The following CARF variants were observed in gnomAD, a reference collection of about 807,000 sequenced individuals.
CARF encodes the protein calcium responsive transcription factor.
A neutral mutation model predicts 82.0 loss-of-function variants in CARF; 57 were observed. The ratio of observed to expected loss-of-function variants is 0.70; its 90% CI spans 0.56 to 0.87. The LOEUF is 0.87. Ranked by LOEUF, CARF falls within the 40% of genes least tolerant of loss-of-function variation. The probability of loss-of-function intolerance (pLI) is 0.00; values close to 1 mark genes in which losing one functional copy is unlikely to be tolerated. For synonymous variants in CARF, 268 were observed against 290.1 expected, an observed-to-expected ratio of 0.92 and a Z score of 0.77; for missense variants, 771 against 855.8, an observed-to-expected ratio of 0.90 and a Z score of 1.24.
chr2:202,951,665 G>C (rs2058758574), intron 5 of CARF, among the ~76,000 whole-genome samples: 1 of 152,014 alleles, frequency 6.6e-6, no homozygotes. Context: ...AAATTTGATA[G>C]AGTAGGTTTA....
At chr2:202,917,227 A>AAAC (rs1406249040) in intron 1 of CARF, among the ~76,000 whole-genome samples, 1 of 150,116 alleles carries the variant, frequency 6.7e-6, no homozygotes, top group Admixed American at 6.6e-5. Flanking sequence ...AAAAAAAAAA[A>AAAC]AAAAAAAAAG....
At chr2:202,980,160 G>A (rs2105939290) in intron 14 of CARF, among the ~76,000 whole-genome samples, 4 of 152,186 alleles carry the variant, frequency 2.6e-5, no homozygotes, top group Admixed American at 2.6e-4. Flanking sequence ...GTTTCACCGT[G>A]TTGCCCAGGC....
At chr2:202,958,513 T>A (rs770321713) in intron 8 of CARF, among the ~76,000 whole-genome samples, 3 of 152,152 alleles carry the variant, frequency 2.0e-5, no homozygotes, top group Non-Finnish European at 4.4e-5. Flanking sequence ...TGTAAGAAAC[T>A]GAGTACTCCT....
At chr2:202,920,354 A>G (rs2105948148) in intron 2 of CARF, among the ~76,000 whole-genome samples, 1 of 152,080 alleles carries the variant, frequency 6.6e-6, no homozygotes, top group East Asian at 1.9e-4. Context: ...ATGGGGTTTC[A>G]CCATGTTAGC....
chr2:202,926,238 C>A (rs1407956010), intron 3 of CARF, among the ~76,000 whole-genome samples: 1 of 152,148 alleles, frequency 6.6e-6, no homozygotes, highest in Non-Finnish European at 1.5e-5. Flanking sequence ...CTTAAGGGAA[C>A]CTAGGGTGGT....
At chr2:202,952,534 AT>A (rs372834592) in intron 5 of CARF, 24 bp from the exon 6 acceptor site, 39,135 of 1,132,068 alleles carry the variant, frequency 0.035, 9 homozygotes, top group South Asian at 0.062. Context: ...TATGCATTTG[AT>A]TTTTTTTTTT....
At chr2:202,972,300 C>A (rs910109520) in intron 12 of CARF, among the ~76,000 whole-genome samples, 1 of 151,998 alleles carries the variant, frequency 6.6e-6, no homozygotes, top group African/African-American at 2.4e-5. Context: ...TTTAGTCTTA[C>A]AATAGCACTA....
Position 202,981,535 on chromosome 2 carries a change from G to T in CARF, c.1559-20G>T, listed in dbSNP as rs1361922925. 6.7e-7 allele frequency: 1 copy of T among 1,485,550 alleles called. No individual in the cohort carries two copies. The highest frequency in any genetic ancestry group is 2.4e-5 in the East Asian group (1 of 40,862). 92.0% of individuals were successfully genotyped at this position (1,485,550 alleles called of 1,614,324 possible). A position where few individuals can be genotyped will look rare whatever the true frequency, so the allele number is the denominator to read the frequency against. ...AGAAGCCATAAAAATTATTTTAATA[G>T]TTTCTTTAATATAATTTAGGAAATT... On this transcript the variant is annotated intron_variant, in intron 14 of 16. Transcript: ENST00000438828.
intron 3 of CARF, among the ~76,000 whole-genome samples, chr2:202,936,242 A>G (rs938106516): frequency 3.9e-5 from 6 of 152,172 alleles, no homozygotes; most frequent in Admixed American, 2.0e-4. Context: ...ATGCATATAT[A>G]TGTACACACA....
At chr2:202,944,273 G>T (rs900230613) in intron 5 of CARF, among the ~76,000 whole-genome samples, 1 of 152,086 alleles carries the variant, frequency 6.6e-6, no homozygotes, top group African/African-American at 2.4e-5. Context: ...TTGCTCTCTG[G>T]TTATTTAGAA....
intron 3 of CARF, among the ~76,000 whole-genome samples, chr2:202,940,524 GT>G (rs1404180167): frequency 1.3e-5 from 2 of 151,964 alleles, no homozygotes; most frequent in East Asian, 3.9e-4. Context: ...TTCTTTGATT[GT>G]TAGCTTATAT....
intron 11 of CARF, 89 bp downstream of exon 11, chr2:202,970,151 C>A: frequency 8.2e-7 from 1 of 1,215,664 alleles, no homozygotes; most frequent in Non-Finnish European, 1.1e-6. Context: ...AGTTTTCCAA[C>A]TATTTCATTA....
chr2:202,980,479 G>A (rs1442622171), intron 14 of CARF, among the ~76,000 whole-genome samples: 2 of 150,072 alleles, frequency 1.3e-5, no homozygotes, highest in African/African-American at 2.5e-5. Flanking sequence ...TAGTTACTAG[G>A]GCTACAAAAG....
At chr2:202,913,360 G>T (rs1030343383) in intron 1 of CARF, among the ~76,000 whole-genome samples, 1 of 152,158 alleles carries the variant, frequency 6.6e-6, no homozygotes, top group African/African-American at 2.4e-5. Context: ...TCCTGCCTCT[G>T]CTACTTGATT....
At position 202,938,643 on chromosome 2, in the gene CARF, TG is replaced by T. The variant is rs1351167374; in HGVS notation, c.-43-3210del. Among the ~76,000 whole-genome samples the T allele has an allele frequency of 1.1e-4, 11 of 98,496 alleles. No homozygotes were observed. The East Asian group carries it at 3.4e-3, about 31-fold the overall frequency. The allele number at this position is 98,496 out of a possible 152,430, so 64.6% of individuals were successfully genotyped here. Reference sequence around the variant, plus strand: ...TTCTGAAAAAAAATGGGGGGTTTTGTGGGGGGGTTTTTTTTGTTTTTTTTTT... The same window carrying T: ...TTCTGAAAAAAAATGGGGGGTTTTGTGGGGGGTTTTTTTTGTTTTTTTTTT... On this transcript the variant is annotated intron_variant, in intron 3 of 16. Transcript: ENST00000438828.
intron 5 of CARF, among the ~76,000 whole-genome samples, chr2:202,943,732 C>A (rs2058358059): frequency 6.6e-6 from 1 of 151,948 alleles, no homozygotes; most frequent in Non-Finnish European, 1.5e-5. Flanking sequence ...ACTGCAACCT[C>A]CGCCTCCCGG....
chr2:202,972,185 G>A (rs1474068004), intron 12 of CARF, among the ~76,000 whole-genome samples: 1 of 151,792 alleles, frequency 6.6e-6, no homozygotes. Context: ...TCTGGTCTAA[G>A]TTTTTTGATC....
At chr2:202,919,264 A>G (rs948620321) in intron 2 of CARF, among the ~76,000 whole-genome samples, 4 of 152,194 alleles carry the variant, frequency 2.6e-5, no homozygotes, top group Non-Finnish European at 2.9e-5. Context: ...GTTCCCTCCA[A>G]AGTTTTTTCT....
Position 202,929,060 on chromosome 2 carries a change from A to G in CARF, c.-44+4645A>G, listed in dbSNP as rs566608151. ...ATCTTCTTTTGAGAGATGTCTGTTC[A>G]GCTCATTTGTCCATTTCTAAATGAA... On this transcript the variant is annotated intron_variant, in intron 3 of 16. Coordinates refer to ENST00000438828, the MANE Select transcript of CARF (RefSeq NM_024744.17). Among the ~76,000 whole-genome samples, 50 of 152,274 alleles carry G rather than the reference A, an allele frequency of 3.3e-4. 1 individual carries two copies. Among genetic ancestry groups the G allele is most frequent in the African/African-American group, 1.1e-3 (45 of 41,550 alleles).
Sources: allele counts gnomAD v4.1 joint callset (sites outside exome capture counted in the v4.1 genomes callset), GRCh38; gene constraint gnomAD v4.1.1; transcripts MANE v1.5; gene names NCBI Gene and HGNC (gene_info 2026-07-23, HGNC 2026-07-21).